SPTBN5: variants seen among roughly 807,000 people sequenced by gnomAD.
The protein encoded by SPTBN5 is spectrin beta, non-erythrocytic 5.
In SPTBN5, 513 loss-of-function variants were observed where a neutral mutation model predicts 477.6. That is an observed-to-expected ratio of 1.07 (90% CI 1.00 to 1.16). The LOEUF (loss-of-function observed/expected upper bound fraction) is 1.16. Among genes scored for constraint, SPTBN5 ranks in the 50% most tolerant of loss-of-function variants. The pLI is 0.00. For synonymous variants in SPTBN5, 2,169 were observed against 2,011.7 expected, an observed-to-expected ratio of 1.08 and a Z score of -2.09; for missense variants, 5,062 against 4,731.8, an observed-to-expected ratio of 1.07 and a Z score of -2.05.
At chr15:41,854,284 G>A in intron 56 of SPTBN5, 79 bp from the exon 57 acceptor site, 3 of 1,502,246 alleles carry the variant, frequency 2.0e-6, no homozygotes, top group East Asian at 2.5e-5. Context: ...TGGCCTTCTG[G>A]GCCACCTCCT....
At position 41,857,275 on chromosome 15, in the gene SPTBN5, G is replaced by C; in HGVS notation, c.8584C>G (p.Gln2862Glu). 1 of 1,574,632 alleles carries C rather than the reference G, an allele frequency of 6.4e-7. No homozygotes were observed. The highest frequency in any genetic ancestry group is 2.3e-5 in the East Asian group (1 of 42,648). Residue 2862 changes from glutamine (Q) to glutamate (E), a missense_variant, in exon 51 of 68, where the codon CAA becomes GAA. Physicochemically the swap from Gln to Glu is conservative, Grantham distance 29. Transcript: ENST00000320955. ...CGCCGGGCCTGCTCTTCCACATCTT[G>C]GGCAAGGCAGTGGCCTTCCCTCACA... ...AFVREGHCLAQDVEEQARRLL... is the reference protein window; with the variant it reads ...AFVREGHCLAEDVEEQARRLL...
chr15:41,893,041 G>C lies in SPTBN5; in HGVS notation c.237C>G (p.Asn79Lys), dbSNP rs778119580. ...TGCCGTCAGCCAGCTCTGTGTACAG[G>C]TTCCGGATCTTGATGCCCGCCTGGG... ...QCGQAGIKIR[N>K]LYTELADGIH... Residue 79 changes from asparagine (N) to lysine (K), a missense_variant, in exon 3 of 68, where the codon AAC becomes AAG. Coordinates refer to ENST00000320955, the MANE Select transcript of SPTBN5 (RefSeq NM_016642.4). 1 of 1,611,494 alleles carries C rather than the reference G, an allele frequency of 6.2e-7. No homozygotes were observed. Among genetic ancestry groups the C allele is most frequent in the Non-Finnish European group, 8.5e-7 (1 of 1,179,784 alleles).
At position 41,875,056 on chromosome 15, in the gene SPTBN5, C is replaced by G. The variant is rs1467565760; in HGVS notation, c.4288G>C (p.Asp1430His). ...QQEQLLRQLQDAKEQLEQLEG... is the reference protein window; with the variant it reads ...QQEQLLRQLQHAKEQLEQLEG... ...AGCTGCTCCAGCTGCTCCTTTGCAT[C>G]CTGGGAGGGACGCATGGAGCTGCAT... The change falls in exon 23 of 68, where the codon GAT becomes CAT. Residue 1430 changes from aspartate (D) to histidine (H), a missense_variant and splice_region_variant. By Grantham distance (81) the Asp-to-His change is moderately conservative. Coordinates refer to ENST00000320955, the MANE Select transcript of SPTBN5 (RefSeq NM_016642.4). 1 of 1,609,174 alleles carries G rather than the reference C, an allele frequency of 6.2e-7. No individual in the cohort carries two copies.
At chr15:41,870,186 G>T in intron 31 of SPTBN5, 57 bp downstream of exon 31, 1 of 1,516,316 alleles carries the variant, frequency 6.6e-7, no homozygotes, top group Non-Finnish European at 8.9e-7. Flanking sequence ...GGAACAGGCA[G>T]GCCAGCCTGA....
intron 35 of SPTBN5, 112 bp downstream of exon 35, chr15:41,867,426 G>A (rs569019424): frequency 8.5e-6 from 9 of 1,060,888 alleles, no homozygotes; most frequent in African/African-American, 4.7e-5. Context: ...CCCCAGCCTT[G>A]CAGGCTCATC....
Position 41,856,959 on chromosome 15 carries a change from T to C in SPTBN5, c.8702A>G (p.Asp2901Gly). The change falls in exon 52 of 68, where the codon GAC (aspartate) becomes GGC (glycine). Residue 2901 changes from aspartate (D) to glycine (G), a missense_variant. Asp to Gly is a moderately conservative substitution (Grantham distance 94, BLOSUM62 -1). Transcript: ENST00000320955. ...ARSLLLKFFR[D>G]ADEEMAWVQE... ...CACCCAGGCCATTTCCTCGTCGGCG[T>C]CCCTGAAGAACTTCAAGAGGAGGCT... 6.3e-7 allele frequency: 1 copy of C among 1,595,220 alleles called. No homozygotes were observed. The highest frequency in any genetic ancestry group is 8.5e-7 in the Non-Finnish European group (1 of 1,171,672).
chr15:41,873,913 A>G lies in SPTBN5; in HGVS notation c.4822T>C (p.Trp1608Arg), dbSNP rs1341077481. 6.2e-7 allele frequency: 1 copy of G among 1,611,318 alleles called. No homozygotes were observed. Among genetic ancestry groups the G allele is most frequent in the Non-Finnish European group, 8.5e-7 (1 of 1,179,878 alleles). ...VEQCQELEGHWAELERACEAR... is the reference protein window; with the variant it reads ...VEQCQELEGHRAELERACEAR... ...TCACATGCCCTCTCCAGCTCTGCCC[A>G]GTGGCCTTCCAGCTCCTGGCACTGC... is the stretch of plus-strand genomic sequence containing the variant. Residue 1608 changes from tryptophan (W) to arginine (R), a missense_variant, in exon 25 of 68, where the codon TGG becomes CGG. Coordinates refer to ENST00000320955, the MANE Select transcript of SPTBN5 (RefSeq NM_016642.4).
intron 5 of SPTBN5, 87 bp downstream of exon 5, chr15:41,887,841 A>T (rs1466931040): frequency 7.5e-7 from 1 of 1,341,104 alleles, no homozygotes. Flanking sequence ...AAGCCTAGGG[A>T]TGTGGGAGAA....
intron 56 of SPTBN5, 62 bp downstream of exon 56, chr15:41,854,720 C>CT (rs749870860): frequency 1.4e-6 from 2 of 1,404,686 alleles, no homozygotes; most frequent in Non-Finnish European, 1.9e-6. Flanking sequence ...GTAAGGAGGG[C>CT]TTAGAGGGAT....
At position 41,872,459 on chromosome 15, in the gene SPTBN5, C is replaced by A; in HGVS notation, c.5008G>T (p.Ala1670Ser). The change falls in exon 27 of 68, where the codon GCT becomes TCT. Residue 1670 changes from alanine to serine, a missense_variant and splice_region_variant. Ala to Ser is a moderately conservative substitution (Grantham distance 99). Coordinates refer to ENST00000320955, the MANE Select transcript of SPTBN5 (RefSeq NM_016642.4). ...TAAATGGCTAGTTCCTCCTGTAGAG[C>A]CTATGATGCATGAGGACCCATGCCA... ...ATLRLINKHQ[A>S]LQEELAIYWS... The A allele has an allele frequency of 6.4e-7, 1 of 1,554,574 alleles. No individual in the cohort carries two copies. Among genetic ancestry groups the A allele is most frequent in the South Asian group, 1.2e-5 (1 of 84,330 alleles).
chr15:41,860,072 C>G (rs150987669), intron 47 of SPTBN5, among the ~76,000 whole-genome samples: 100 of 152,364 alleles, frequency 6.6e-4, no homozygotes, highest in African/African-American at 2.2e-3. Flanking sequence ...TCACATGCAT[C>G]TGTGTCTGAA....
chr15:41,863,774 A>T lies in SPTBN5; in HGVS notation c.7079T>A (p.Leu2360His). The T allele has an allele frequency of 6.2e-7, 1 of 1,613,726 alleles. No individual in the cohort carries two copies. The highest frequency in any genetic ancestry group is 1.1e-5 in the South Asian group (1 of 91,078). Residue 2360 changes from leucine (L) to histidine (H), a missense_variant, in exon 41 of 68, where the codon CTC (leucine) becomes CAC (histidine). Transcript: ENST00000320955. ...HGNLLRYQQQ[L>H]EGALEIHVLS... is the part of the protein sequence containing the mutation. The stretch of plus-strand genomic sequence containing the variant: ...CACGTGTATCTCCAAGGCCCCTTCG[A>T]GCTGCTGCTGGTACCGGAGCAAGTT...
At position 41,874,402 on chromosome 15, in the gene SPTBN5, G is replaced by A; in HGVS notation, c.4579C>T (p.His1527Tyr). ...QASVELHQFC[H>Y]LSNMELSWVA... ...CAAGAGAGCTCCATGTTGCTCAGGTGGCAGAACTGGTGCAGCTCCACTGAG... is the reference window on the plus strand; with the variant it reads ...CAAGAGAGCTCCATGTTGCTCAGGTAGCAGAACTGGTGCAGCTCCACTGAG... The change falls in exon 24 of 68, where the codon CAC (histidine) becomes TAC (tyrosine). Residue 1527 changes from histidine (H) to tyrosine (Y), a missense_variant. His to Tyr is a moderately conservative substitution (Grantham distance 83). Transcript: ENST00000320955. The A allele has an allele frequency of 6.2e-7, 1 of 1,613,722 alleles. No homozygotes were observed. Among genetic ancestry groups the A allele is most frequent in the Non-Finnish European group, 8.5e-7 (1 of 1,179,858 alleles).
chr15:41,892,627 C>T (rs369394640), intron 3 of SPTBN5, among the ~76,000 whole-genome samples: 1 of 152,238 alleles, frequency 6.6e-6, no homozygotes, highest in East Asian at 1.9e-4. Flanking sequence ...TCCTGTGAGT[C>T]TCTCTTATGA....
intron 58 of SPTBN5, 42 bp downstream of exon 58, chr15:41,853,540 C>G (rs1467994103): frequency 1.9e-6 from 3 of 1,547,036 alleles, no homozygotes; most frequent in South Asian, 2.4e-5. Flanking sequence ...ACCCCCACCC[C>G]ACAGGGTAGA....
chr15:41,878,863 C>G (rs556013771), intron 16 of SPTBN5, among the ~76,000 whole-genome samples: 1 of 152,132 alleles, frequency 6.6e-6, no homozygotes, highest in Non-Finnish European at 1.5e-5. Context: ...GTCAGGAGAT[C>G]GAGACCATCC....
chr15:41,852,715 C>T lies in SPTBN5; in HGVS notation c.10368G>A (p.Glu3456=), dbSNP rs1339679171. The T allele has an allele frequency of 9.9e-6, 16 of 1,613,402 alleles. No homozygotes were observed. The highest frequency in any genetic ancestry group is 1.4e-5 in the Non-Finnish European group (16 of 1,179,890). Residue 3456 remains glutamate, a synonymous_variant, in exon 61 of 68, where the codon GAG becomes GAA. Coordinates refer to ENST00000320955, the MANE Select transcript of SPTBN5 (RefSeq NM_016642.4). ...PDYGHSVSDV[E]LLLHRHQDLE... is the part of the protein sequence containing the mutation. ...AGTCCTGGTGTCTGTGCAGCAGCAA[C>T]TCCACATCTGACACTGAGTGCTGGG...
Position 41,885,958 on chromosome 15 carries a change from G to T in SPTBN5, c.1297C>A (p.His433Asn). ...AAACTCTCCCGGAGGGCTGCCTTGTGCTGGAAGCGCCGGGCCAGGGTTTCT... is the reference window on the plus strand; with the variant it reads ...AAACTCTCCCGGAGGGCTGCCTTGTTCTGGAAGCGCCGGGCCAGGGTTTCT... The part of the protein sequence containing the change: ...RLETLARRFQ[H>N]KAALRESFLK... The change falls in exon 7 of 68, where the codon CAC (histidine) becomes AAC (asparagine). Residue 433 changes from histidine (H) to asparagine (N), a missense_variant. Transcript: ENST00000320955. The T allele has an allele frequency of 6.4e-7, 1 of 1,552,402 alleles. No homozygotes were observed. Among genetic ancestry groups the T allele is most frequent in the South Asian group, 1.2e-5 (1 of 83,298 alleles).
chr15:41,850,001 C>G, intron 66 of SPTBN5, 42 bp from the exon 67 acceptor site: 1 of 1,495,700 alleles, frequency 6.7e-7, no homozygotes, highest in Non-Finnish European at 9.1e-7. Flanking sequence ...CGGCCCAGAC[C>G]ATCTGCAGGC....
Sources: allele counts gnomAD v4.1 joint callset (sites outside exome capture counted in the v4.1 genomes callset), GRCh38; gene constraint gnomAD v4.1.1; transcripts MANE v1.5; gene names NCBI Gene and HGNC (gene_info 2026-07-23, HGNC 2026-07-21).